GDPD1: variants seen among roughly 807,000 people sequenced by gnomAD.
GDPD1 encodes lysophospholipase D GDPD1.
A neutral mutation model predicts 45.1 loss-of-function variants in GDPD1; 28 were observed. The observed-to-expected ratio is 0.62, with a 90% CI of 0.46 to 0.85. The LOEUF (loss-of-function observed/expected upper bound fraction) is 0.85, where lower values mean the gene tolerates loss of function less well. GDPD1 is among the 40% of genes least tolerant of loss of function. GDPD1 has a pLI of 0.00. For synonymous variants in GDPD1, 139 were observed against 131.4 expected (o/e 1.06, Z -0.40); for missense variants, 256 against 364.8 (o/e 0.70, Z 2.43).
chr17:59,255,865 A>ATACACGCG (rs2047304104), intron 4 of GDPD1, among the ~76,000 whole-genome samples: 1 of 99,682 alleles, frequency 1.0e-5, no homozygotes, highest in African/African-American at 5.8e-5. Context: ...ACGTATATAT[A>ATACACGCG]TATATATATA....
At position 59,270,985 on chromosome 17, in the gene GDPD1, C is replaced by T. The variant is rs377470665; in HGVS notation, c.760C>T (p.Leu254Phe). ...MSRSQKFLIWLSDLLLMRKAL... is the reference protein window; with the variant it reads ...MSRSQKFLIWFSDLLLMRKAL... ...CAGAAGTCAAAAGTTTCTCATCTGGCTTTCTGATCTGTAAGAATTTTAATT... is the reference window on the plus strand; with the variant it reads ...CAGAAGTCAAAAGTTTCTCATCTGGTTTTCTGATCTGTAAGAATTTTAATT... Residue 254 changes from leucine (L) to phenylalanine (F), a missense_variant, in exon 8 of 10, where the codon CTT becomes TTT. Physicochemically the swap from Leu to Phe is conservative, Grantham distance 22. Coordinates refer to ENST00000284116, the MANE Select transcript of GDPD1 (RefSeq NM_182569.4). 3.6e-5 allele frequency: 57 copies of T among 1,588,694 alleles called. 1 individual carries two copies. Among genetic ancestry groups the T allele is most frequent in the South Asian group, 2.7e-4 (24 of 88,818 alleles).
chr17:59,229,315 G>T (rs1398016686), intron 1 of GDPD1, among the ~76,000 whole-genome samples: 1 of 121,328 alleles, frequency 8.2e-6, no homozygotes, highest in Admixed American at 7.9e-5. Context: ...ACCATGCCTG[G>T]CTAAATTTTT....
At chr17:59,260,584 A>T (rs1163425520) in intron 6 of GDPD1, among the ~76,000 whole-genome samples, 1 of 152,152 alleles carries the variant, frequency 6.6e-6, no homozygotes, top group Non-Finnish European at 1.5e-5. Context: ...CTTTAAAATG[A>T]TAGTTAAACC....
chr17:59,225,069 GTTTA>G (rs1266458387), intron 1 of GDPD1, among the ~76,000 whole-genome samples: 1 of 142,796 alleles, frequency 7.0e-6, no homozygotes, highest in African/African-American at 2.6e-5. Flanking sequence ...CATATAATGT[GTTTA>G]TTATTTTCTT....
chr17:59,220,663 G>A lies in GDPD1; in HGVS notation c.54G>A (p.Val18=). 6.2e-7 allele frequency: 1 copy of A among 1,614,164 alleles called. No individual in the cohort carries two copies. Among genetic ancestry groups the A allele is most frequent in the Non-Finnish European group, 8.5e-7 (1 of 1,179,988 alleles). ...TCTCTACGCTAGGAGGATACTTGGTGACCTCATTCTTGTTGCTTAAATACC... is the reference window on the plus strand; with the variant it reads ...TCTCTACGCTAGGAGGATACTTGGTAACCTCATTCTTGTTGCTTAAATACC... The part of the protein sequence containing the change: ...YLLSTLGGYL[V]TSFLLLKYPT... Residue 18 remains valine (V), a synonymous_variant, in exon 1 of 10, where the codon GTG becomes GTA. Transcript: ENST00000284116.
intron 4 of GDPD1, 67 bp from the exon 5 acceptor site, chr17:59,257,055 C>T (rs764397983): frequency 4.0e-6 from 3 of 741,424 alleles, no homozygotes; most frequent in Non-Finnish European, 6.7e-6. Context: ...ATATACAATA[C>T]CTTCTCTAGT....
At position 59,246,722 on chromosome 17, in the gene GDPD1, A is replaced by AAAAAG. The variant is rs1282657837; in HGVS notation, c.321+1177_321+1178insGAAAA. On this transcript the variant is annotated intron_variant, in intron 3 of 9. Coordinates refer to ENST00000284116, the MANE Select transcript of GDPD1 (RefSeq NM_182569.4). ...GAGACTCCATCTCAAAAAAAAAAAA[A>AAAAAG]AAAAAAAAAAGAAACATTATAAGAA... 1.4e-3 allele frequency among the ~76,000 whole-genome samples: 213 copies of AAAAAG among 149,744 alleles called. 6 individuals carry two copies. The highest frequency in any genetic ancestry group is 4.9e-3 in the African/African-American group (202 of 40,852).
chr17:59,225,269 T>A (rs1463797421), intron 1 of GDPD1, among the ~76,000 whole-genome samples: 1 of 151,910 alleles, frequency 6.6e-6, no homozygotes, highest in Non-Finnish European at 1.5e-5. Flanking sequence ...TTTTATTTTT[T>A]ATTTTTTGTA....
intron 7 of GDPD1, among the ~76,000 whole-genome samples, chr17:59,269,890 G>A (rs988685923): frequency 1.7e-4 from 26 of 152,052 alleles, no homozygotes; most frequent in African/African-American, 6.0e-4. Flanking sequence ...TGGACTGTTT[G>A]CTCTATATTT....
At chr17:59,220,902 G>C in intron 1 of GDPD1, 151 bp downstream of exon 1, 1 of 901,640 alleles carries the variant, frequency 1.1e-6, no homozygotes, top group South Asian at 1.7e-5. Flanking sequence ...TGAAGGCTGT[G>C]TGAAGGGAAG....
At chr17:59,242,827 C>T (rs531756385) in intron 2 of GDPD1, among the ~76,000 whole-genome samples, 1 of 152,296 alleles carries the variant, frequency 6.6e-6, no homozygotes, top group East Asian at 1.9e-4. Flanking sequence ...AGGCCAGGCC[C>T]CTCACCCCTG....
Position 59,275,114 on chromosome 17 carries a change from T to G in GDPD1, c.*1341T>G. On this transcript the variant is annotated 3_prime_UTR_variant, in exon 10 of 10. Coordinates refer to ENST00000284116, the MANE Select transcript of GDPD1 (RefSeq NM_182569.4). ...ACCTCGGCCTCTCAAAGTGCTGGGA[T>G]TACAGGTTTGAACCACTGCACCCGG... 6.6e-7 allele frequency: 1 copy of G among 1,517,814 alleles called. No individual in the cohort carries two copies. The highest frequency in any genetic ancestry group is 8.9e-7 in the Non-Finnish European group (1 of 1,129,782). The allele number at this position is 1,517,814 out of a possible 1,614,324, so 94.0% of individuals were successfully genotyped here.
At chr17:59,236,800 G>A (rs1190602829) in intron 2 of GDPD1, among the ~76,000 whole-genome samples, 2 of 151,786 alleles carry the variant, frequency 1.3e-5, no homozygotes, top group Non-Finnish European at 2.9e-5. Context: ...GTGAGCCACC[G>A]CACCCAACCT....
Position 59,257,256 on chromosome 17 carries a change from C to A in GDPD1, c.486+16C>A. On this transcript the variant is annotated intron_variant, in intron 5 of 9. Transcript: ENST00000284116. ...GATTAAGAAGGTACTCAAGGCATTG[C>A]CTCCTCTGGGTGTGTTGCATCCTAT... 1 of 1,311,238 alleles carries A rather than the reference C, an allele frequency of 7.6e-7. No individual in the cohort carries two copies. Among genetic ancestry groups the A allele is most frequent in the Non-Finnish European group, 1.1e-6 (1 of 920,300 alleles). 81.2% of individuals were successfully genotyped at this position (1,311,238 alleles called of 1,614,324 possible).
At chr17:59,223,181 C>A (rs1040713830) in intron 1 of GDPD1, among the ~76,000 whole-genome samples, 1 of 152,150 alleles carries the variant, frequency 6.6e-6, no homozygotes, top group African/African-American at 2.4e-5. Context: ...GATATTAGGT[C>A]ATTTCAATAT....
chr17:59,229,795 G>A (rs1459886729), intron 1 of GDPD1, among the ~76,000 whole-genome samples: 4 of 152,108 alleles, frequency 2.6e-5, no homozygotes, highest in Non-Finnish European at 5.9e-5. Flanking sequence ...GACTCTTCCA[G>A]CTCCCTTCAG....
chr17:59,239,000 C>G (rs2047155758), intron 2 of GDPD1, among the ~76,000 whole-genome samples: 2 of 152,146 alleles, frequency 1.3e-5, no homozygotes, highest in African/African-American at 2.4e-5. Context: ...GCTAATAAAA[C>G]TAGGTTATTA....
intron 4 of GDPD1, among the ~76,000 whole-genome samples, chr17:59,252,706 A>AAGTGTTAACCAAATGGT (rs1427116150): frequency 6.6e-6 from 1 of 150,912 alleles, no homozygotes; most frequent in African/African-American, 2.4e-5. Flanking sequence ...AAAAAAAAAA[A>AAGTGTTAACCAAATGGT]TACGCTGAAT....
rs745946710 is a variant in GDPD1, at chr17:59,234,531, A to G, written c.182A>G (p.Gln61Arg). 10 of 1,600,474 alleles carry G rather than the reference A, an allele frequency of 6.2e-6. No homozygotes were observed. In the South Asian group the frequency reaches 1.1e-4, roughly 18 times the overall value. ...TTGGAGAATACAATGGCAGCCTTTC[A>G]GCAGTAAGTATGTAAAAAAGGTAAA... Reference protein sequence around the residue: ...ENLENTMAAFQHAVKIGTDML... With the variant: ...ENLENTMAAFRHAVKIGTDML... Residue 61 changes from glutamine (Q) to arginine (R), a missense_variant, in exon 2 of 10, where the codon CAG (glutamine) becomes CGG (arginine). Physicochemically the swap from Gln to Arg is conservative, Grantham distance 43 (BLOSUM62 1). Transcript: ENST00000284116.
Sources: allele counts gnomAD v4.1 joint callset (sites outside exome capture counted in the v4.1 genomes callset), GRCh38; gene constraint gnomAD v4.1.1; transcripts MANE v1.5; gene names NCBI Gene and HGNC (gene_info 2026-07-23, HGNC 2026-07-21).